The following NXPE2 variants were observed in gnomAD, a reference collection of about 807,000 sequenced individuals.
NXPE2 encodes NXPE family member 2.
A neutral mutation model predicts 34.4 loss-of-function variants in NXPE2; 34 were observed. The ratio of observed to expected loss-of-function variants is 0.99; its 90% CI spans 0.75 to 1.31. The LOEUF is 1.31. NXPE2 is among the 40% of genes most tolerant of loss of function. NXPE2 has a pLI of 0.00. For synonymous variants in NXPE2, 235 were observed against 231.3 expected (o/e 1.02, Z -0.15); for missense variants, 649 against 672.5 (o/e 0.97, Z 0.39).
chr11:114,489,991 A>G, the NXPE2 span, among the ~76,000 whole-genome samples: 1 of 152,236 alleles, frequency 6.6e-6, no homozygotes, highest in Non-Finnish European at 1.5e-5. Context: ...CCTCAAGCTG[A>G]TAAGCAACTT....
the NXPE2 span, among the ~76,000 whole-genome samples, chr11:114,657,132 G>A: frequency 2.0e-5 from 3 of 151,996 alleles, no homozygotes; most frequent in African/African-American, 4.8e-5. Flanking sequence ...TTTTAGTTCC[G>A]GATTGTACTA....
chr11:114,750,843 A>C, the NXPE2 span, among the ~76,000 whole-genome samples: 4 of 152,102 alleles, frequency 2.6e-5, no homozygotes, highest in Non-Finnish European at 5.9e-5. Flanking sequence ...TTTTACACAG[A>C]CTCCCAACTT....
the NXPE2 span, among the ~76,000 whole-genome samples, chr11:114,733,340 G>A: frequency 6.6e-6 from 1 of 152,130 alleles, no homozygotes. Context: ...TGATCTGCCC[G>A]CCTTGGCCTC....
chr11:114,751,454 T>A, the NXPE2 span, among the ~76,000 whole-genome samples: 1 of 152,200 alleles, frequency 6.6e-6, no homozygotes. Context: ...TACACAGATA[T>A]ATTAGTTCAG....
chr11:114,690,208 G>A (rs2135546978), intron 2 of NXPE2, among the ~76,000 whole-genome samples: 1 of 152,258 alleles, frequency 6.6e-6, no homozygotes, highest in Middle Eastern at 3.4e-3. Context: ...ACGTGTGTGT[G>A]CTTTTGTGGT....
chr11:114,608,601 T>G, the NXPE2 span, among the ~76,000 whole-genome samples: 30 of 150,314 alleles, frequency 2.0e-4, no homozygotes, highest in Non-Finnish European at 3.4e-4. Flanking sequence ...TTGTTGCCTC[T>G]AGGGTAACCA....
the NXPE2 span, among the ~76,000 whole-genome samples, chr11:114,637,059 G>A: frequency 3.3e-5 from 5 of 151,930 alleles, no homozygotes; most frequent in South Asian, 2.1e-4. Flanking sequence ...TGTTGACAGT[G>A]GGGTGTTAAA....
At chr11:114,725,616 A>G in the NXPE2 span, among the ~76,000 whole-genome samples, 1 of 151,510 alleles carries the variant, frequency 6.6e-6, no homozygotes, top group Non-Finnish European at 1.5e-5. Context: ...GTTCTCTCTC[A>G]CCCTTTCTCT....
the NXPE2 span, among the ~76,000 whole-genome samples, chr11:114,633,991 C>T: frequency 0.18 from 27,276 of 151,782 alleles, 2,917 homozygotes; most frequent in Non-Finnish European, 0.22. Flanking sequence ...AATGGGATGG[C>T]TGGGTCAAAT....
chr11:114,518,485 G>A, the NXPE2 span: 2 of 152,222 alleles, frequency 1.3e-5, no homozygotes, highest in Non-Finnish European at 2.9e-5. Context: ...TGTTTTTACT[G>A]TATGTAAGAG....
the NXPE2 span, among the ~76,000 whole-genome samples, chr11:114,479,316 T>C: frequency 2.6e-5 from 4 of 152,158 alleles, no homozygotes; most frequent in Non-Finnish European, 5.9e-5. Flanking sequence ...CAAGAATGGT[T>C]GTAAGGGATT....
At chr11:114,594,689 A>G in the NXPE2 span, 3 of 1,602,404 alleles carry the variant, frequency 1.9e-6, no homozygotes, top group Non-Finnish European at 2.6e-6. Context: ...GAAAACTGTA[A>G]AAATGATCCA....
At chr11:114,685,947 C>T (rs981391222) in intron 2 of NXPE2, among the ~76,000 whole-genome samples, 5 of 151,708 alleles carry the variant, frequency 3.3e-5, no homozygotes, top group African/African-American at 9.7e-5. Context: ...GAAAAGTAAG[C>T]TTGGTTAAAA....
At chr11:114,662,981 C>T in the NXPE2 span, among the ~76,000 whole-genome samples, 1 of 152,132 alleles carries the variant, frequency 6.6e-6, no homozygotes, top group Admixed American at 6.6e-5. Context: ...TGGAGGAGAG[C>T]AACAAGCAGC....
At chr11:114,587,220 G>T in the NXPE2 span, among the ~76,000 whole-genome samples, 1 of 152,246 alleles carries the variant, frequency 6.6e-6, no homozygotes, top group East Asian at 1.9e-4. Context: ...CCAAATTTTA[G>T]TCTGAACATG....
the NXPE2 span, chr11:114,521,648 A>C: frequency 4.5e-5 from 11 of 243,632 alleles, no homozygotes; most frequent in Admixed American, 4.6e-4. Flanking sequence ...AGAGCTAGGA[A>C]ATATCTATAT....
chr11:114,649,810 C>A, the NXPE2 span, among the ~76,000 whole-genome samples: 2 of 152,102 alleles, frequency 1.3e-5, no homozygotes, highest in South Asian at 4.1e-4. Context: ...TAATATTTAC[C>A]AACCATTTCC....
At chr11:114,739,619 A>T in the NXPE2 span, among the ~76,000 whole-genome samples, 8 of 151,978 alleles carry the variant, frequency 5.3e-5, no homozygotes, top group African/African-American at 1.9e-4. Context: ...TCTGTTAGCA[A>T]ATTTAGTATT....
the NXPE2 span, among the ~76,000 whole-genome samples, chr11:114,592,164 C>G: frequency 6.6e-6 from 1 of 152,016 alleles, no homozygotes; most frequent in African/African-American, 2.4e-5. Context: ...TATTGGAAGT[C>G]CTAGCCAGAG....
Sources: allele counts gnomAD v4.1 joint callset (sites outside exome capture counted in the v4.1 genomes callset), GRCh38; gene constraint gnomAD v4.1.1; transcripts MANE v1.5; gene names NCBI Gene and HGNC (gene_info 2026-07-23, HGNC 2026-07-21).